The following PTPRN2 variants were observed in gnomAD, a reference collection of about 807,000 sequenced individuals.
PTPRN2 encodes receptor-type tyrosine-protein phosphatase N2.
Under a neutral mutation model 118.8 loss-of-function variants are expected in PTPRN2, and 74 were observed. The observed-to-expected ratio is 0.62, with a 90% CI of 0.52 to 0.76. PTPRN2 has a LOEUF of 0.76. Among genes scored for constraint, PTPRN2 ranks in the 30% least tolerant of loss-of-function variants. The pLI is 0.00. For missense variants in PTPRN2, 1,481 were observed against 1,394.4 expected, an observed-to-expected ratio of 1.06 and a Z score of -0.99; for synonymous variants, 641 against 608.0, an observed-to-expected ratio of 1.05 and a Z score of -0.80.
At chr7:158,533,393 G>A (rs1037455028) in intron 1 of PTPRN2, among the ~76,000 whole-genome samples, 13 of 152,182 alleles carry the variant, frequency 8.5e-5, no homozygotes, top group African/African-American at 3.1e-4. Flanking sequence ...AGGACCCTCC[G>A]CATCTGGCTG....
intron 10 of PTPRN2, among the ~76,000 whole-genome samples, chr7:158,109,652 A>AC: frequency 6.7e-6 from 1 of 148,884 alleles, no homozygotes; most frequent in East Asian, 2.0e-4. Context: ...GAATGATGTC[A>AC]CCCCTGTGTG....
At chr7:158,071,550 C>G (rs367850427) in intron 11 of PTPRN2, among the ~76,000 whole-genome samples, 4,145 of 32,238 alleles carry the variant, frequency 0.13, 73 homozygotes, top group South Asian at 0.21. Context: ...GGAGGTGCTC[C>G]TGGTGGTGGA....
chr7:158,474,169 C>T (rs975040533), intron 2 of PTPRN2, among the ~76,000 whole-genome samples: 2 of 152,202 alleles, frequency 1.3e-5, no homozygotes, highest in South Asian at 2.1e-4. Context: ...TCAGCCACAG[C>T]TAAGCCAGGC....
At chr7:158,172,782 C>T (rs985526994) in intron 5 of PTPRN2, among the ~76,000 whole-genome samples, 1 of 149,104 alleles carries the variant, frequency 6.7e-6, no homozygotes, top group Non-Finnish European at 1.5e-5. Context: ...ACAGCAGCAT[C>T]CCACCATCAT....
chr7:158,331,760 C>A lies in PTPRN2; in HGVS notation c.164-14828G>T, dbSNP rs1304840243. Reference sequence around the variant, plus strand: ...CACCTGCAGACGTCACTCAAACTCACACTCTCACCATAAGAGCTGTCACGC... The same window carrying A: ...CACCTGCAGACGTCACTCAAACTCAAACTCTCACCATAAGAGCTGTCACGC... On this transcript the variant is annotated intron_variant, in intron 2 of 22. Coordinates refer to ENST00000389418, the MANE Select transcript of PTPRN2 (RefSeq NM_002847.5). Among the ~76,000 whole-genome samples the A allele has an allele frequency of 1.0e-3, 151 of 151,114 alleles. 3 individuals carry two copies. Among genetic ancestry groups the A allele is most frequent in the African/African-American group, 3.6e-3 (144 of 40,462 alleles).
chr7:158,310,418 G>A, intron 3 of PTPRN2, among the ~76,000 whole-genome samples: 1 of 152,250 alleles, frequency 6.6e-6, no homozygotes, highest in East Asian at 1.9e-4. Flanking sequence ...TCGGACGGTG[G>A]AGAAGAGGCT....
chr7:158,301,739 AG>A (rs1280062184), intron 3 of PTPRN2, among the ~76,000 whole-genome samples: 3 of 152,202 alleles, frequency 2.0e-5, no homozygotes, highest in Non-Finnish European at 4.4e-5. Context: ...GCTTGAGCCC[AG>A]GAGTTTGAGA....
chr7:157,617,284 G>A lies in PTPRN2; in HGVS notation c.2344+4078C>T, dbSNP rs1368204237. 4 of 150,198 alleles carry A rather than the reference G, an allele frequency of 2.7e-5. No individual in the cohort carries two copies. The highest frequency in any genetic ancestry group is 7.4e-5 in the African/African-American group (3 of 40,622). The allele number at this position is 150,198 out of a possible 1,614,324, so 9.3% of individuals were successfully genotyped here. On this transcript the variant is annotated intron_variant, in intron 15 of 22. Coordinates refer to ENST00000389418, the MANE Select transcript of PTPRN2 (RefSeq NM_002847.5). The surrounding 1 kb of genome is among the most constrained non-coding windows in gnomAD (Gnocchi z 7.5). ...CCAGTGATGCCGTGGTTAGGACGCC[G>A]TTCACGCAGCTGCAGCGCAGAGCAC...
intron 14 of PTPRN2, among the ~76,000 whole-genome samples, chr7:157,626,117 G>A (rs1803555726): frequency 6.6e-6 from 1 of 152,170 alleles, no homozygotes; most frequent in Non-Finnish European, 1.5e-5. Flanking sequence ...AGCAGCCAGT[G>A]GCAGCACCAA....
intron 12 of PTPRN2, among the ~76,000 whole-genome samples, chr7:157,773,218 T>C (rs1802993304): frequency 6.6e-6 from 1 of 152,166 alleles, no homozygotes; most frequent in Non-Finnish European, 1.5e-5. Flanking sequence ...CCCTCTCTCT[T>C]CAGGACAAGC....
At chr7:157,691,362 T>C (rs964513665) in intron 12 of PTPRN2, among the ~76,000 whole-genome samples, 1 of 152,106 alleles carries the variant, frequency 6.6e-6, no homozygotes, top group African/African-American at 2.4e-5. Context: ...TCGCCACTCT[T>C]GGCAAGAGAA....
chr7:158,304,515 G>A lies in PTPRN2; in HGVS notation c.277+12304C>T, dbSNP rs192808496. 6.9e-3 allele frequency among the ~76,000 whole-genome samples: 1,015 copies of A among 147,102 alleles called. 10 individuals are homozygous for A. Among genetic ancestry groups the A allele is most frequent in the Non-Finnish European group, 7.7e-3 (523 of 67,504 alleles). On this transcript the variant is annotated intron_variant, in intron 3 of 22. Coordinates refer to ENST00000389418, the MANE Select transcript of PTPRN2 (RefSeq NM_002847.5). ...CATTCTAGGGAGGCATAAGACACCC[G>A]TCAATAGGCTAAGACGTACACAGGC...
rs370473762 is a variant in PTPRN2 at position 157,549,000 on chromosome 7, G to T, written c.2922C>A (p.Ile974=). ...KMAKGAKEID[I]AATLEHLRDQ... is the part of the protein sequence containing the mutation. Reference sequence around the variant, plus strand: ...CCCTCAAGTGCTCCAGGGTCGCTGCGATATCAATCTCTTTAGCACCTGCAA... The same window carrying T: ...CCCTCAAGTGCTCCAGGGTCGCTGCTATATCAATCTCTTTAGCACCTGCAA... The change falls in exon 22 of 23, where the codon ATC becomes ATA. Residue 974 remains isoleucine (I), a synonymous_variant. Coordinates refer to ENST00000389418, the MANE Select transcript of PTPRN2 (RefSeq NM_002847.5). 6.2e-7 allele frequency: 1 copy of T among 1,614,178 alleles called. No homozygotes were observed. The highest frequency in any genetic ancestry group is 1.3e-5 in the African/African-American group (1 of 75,044).
rs1475411799 is a variant in PTPRN2, at chr7:158,058,105, C to A, written c.1723+23193G>T. Among the ~76,000 whole-genome samples, 3 of 152,202 alleles carry A rather than the reference C, an allele frequency of 2.0e-5. No homozygotes were observed. The South Asian group carries it at 6.2e-4, about 32-fold the overall frequency. On this transcript the variant is annotated intron_variant, in intron 11 of 22. Coordinates refer to ENST00000389418, the MANE Select transcript of PTPRN2 (RefSeq NM_002847.5). The stretch of plus-strand genomic sequence containing the variant: ...TCTTCCATGAAAATCTAGCCACTTA[C>A]TGCAGTAGAATCACTACACTCCATC...
At chr7:157,614,549 G>C (rs2024880755) in intron 15 of PTPRN2, among the ~76,000 whole-genome samples, 1 of 152,212 alleles carries the variant, frequency 6.6e-6, no homozygotes, top group African/African-American at 2.4e-5. Flanking sequence ...ACAGACAACA[G>C]ATAACAGACC....
At chr7:157,636,925 A>G (rs994412761) in intron 14 of PTPRN2, among the ~76,000 whole-genome samples, 10 of 152,236 alleles carry the variant, frequency 6.6e-5, no homozygotes, top group Non-Finnish European at 1.3e-4. Flanking sequence ...AAGAAAGTAA[A>G]TATCTTCTAA....
At chr7:158,149,937 A>C (rs1286522707) in intron 6 of PTPRN2, among the ~76,000 whole-genome samples, 1 of 152,202 alleles carries the variant, frequency 6.6e-6, no homozygotes, top group Non-Finnish European at 1.5e-5. Context: ...AAAATAAATA[A>C]AACATATGAA....
intron 7 of PTPRN2, among the ~76,000 whole-genome samples, 169 bp downstream of exon 7, chr7:158,138,125 A>C (rs1356493797): frequency 2.0e-5 from 3 of 152,222 alleles, no homozygotes; most frequent in Non-Finnish European, 4.4e-5. Flanking sequence ...TCTGTTAAGA[A>C]AGCTTTTAGA....
In PTPRN2 at chr7:158,587,705, C is replaced by A; in HGVS notation, c.-36G>T. The A allele has an allele frequency of 8.5e-7, 1 of 1,174,360 alleles. No individual in the cohort carries two copies. The highest frequency in any genetic ancestry group is 1.1e-6 in the Non-Finnish European group (1 of 952,010). The allele number at this position is 1,174,360 out of a possible 1,614,324, so 72.7% of individuals were successfully genotyped here. Reference sequence around the variant, plus strand: ...TGGCCGGCGGCGCTCAGTCCATGGCCGCGCGGGAGGCGGCGGGAGGCGGCC... The same window carrying A: ...TGGCCGGCGGCGCTCAGTCCATGGCAGCGCGGGAGGCGGCGGGAGGCGGCC... On this transcript the variant is annotated 5_prime_UTR_variant, in exon 1 of 23. Coordinates refer to ENST00000389418, the MANE Select transcript of PTPRN2 (RefSeq NM_002847.5).
Sources: allele counts gnomAD v4.1 joint callset (sites outside exome capture counted in the v4.1 genomes callset), GRCh38; gene constraint gnomAD v4.1.1; non-coding constraint Gnocchi (gnomAD v3.1); transcripts MANE v1.5; gene names NCBI Gene and HGNC (gene_info 2026-07-23, HGNC 2026-07-21).